The following ANKRD27 variants were observed in gnomAD, a reference collection of about 807,000 sequenced individuals.
ANKRD27 encodes the protein ankyrin repeat domain-containing protein 27.
ANKRD27 carries 112 observed loss-of-function variants against 129.7 expected under a neutral mutation model. That is an observed-to-expected ratio of 0.86 (90% CI 0.74 to 1.01). ANKRD27 has a LOEUF of 1.01. ANKRD27 is among the 50% of genes least tolerant of loss of function. ANKRD27 has a pLI of 0.00. For synonymous variants in ANKRD27, 516 were observed against 511.2 expected (o/e 1.01, Z -0.13); for missense variants, 1,258 against 1,300.5 (o/e 0.97, Z 0.50).
chr19:32,661,217 T>A (rs888906300), intron 1 of ANKRD27, among the ~76,000 whole-genome samples: 2 of 87,464 alleles, frequency 2.3e-5, no homozygotes, highest in East Asian at 3.3e-4. Flanking sequence ...AAAAAAAAAA[T>A]TATACACACA....
At chr19:32,661,218 T>TACACACAC (rs1491210495) in intron 1 of ANKRD27, among the ~76,000 whole-genome samples, 49 of 80,102 alleles carry the variant, frequency 6.1e-4, no homozygotes, top group African/African-American at 1.7e-3. Flanking sequence ...AAAAAAAAAT[T>TACACACAC]ATACACACAC....
Position 32,622,592 on chromosome 19 carries a change from C to T in ANKRD27, c.1657G>A (p.Val553Met), listed in dbSNP as rs780476652. ...CCAATGTCAAGTCTGCACGACTCCACGTCGTAGTAAACCAGAGCCTTCACA... is the reference window on the plus strand; with the variant it reads ...CCAATGTCAAGTCTGCACGACTCCATGTCGTAGTAAACCAGAGCCTTCACA... ...DCVKALVYYD[V>M]ESCRLDIGNE... The change falls in exon 18 of 29, where the codon GTG (valine) becomes ATG (methionine). Residue 553 changes from valine (V) to methionine (M), a missense_variant. Val to Met is a conservative substitution (Grantham distance 21). Transcript: ENST00000306065. 1.7e-5 allele frequency: 27 copies of T among 1,613,746 alleles called. No homozygotes were observed. Among genetic ancestry groups the T allele is most frequent in the Middle Eastern group, 3.4e-4 (2 of 5,966 alleles).
intron 2 of ANKRD27, among the ~76,000 whole-genome samples, chr19:32,653,108 AAGGCG>A (rs1967450501): frequency 6.6e-6 from 1 of 152,118 alleles, no homozygotes; most frequent in Non-Finnish European, 1.5e-5. Context: ...GAATTCCCTG[AAGGCG>A]TGCCAAGTTC....
intron 12 of ANKRD27, among the ~76,000 whole-genome samples, chr19:32,635,833 TA>T (rs1435453788): frequency 3.3e-5 from 5 of 152,182 alleles, no homozygotes; most frequent in Non-Finnish European, 5.9e-5. Context: ...GATCATGATC[TA>T]AAATTTTGGT....
At chr19:32,639,510 TTA>T (rs1568410519) in intron 11 of ANKRD27, 22 bp from the exon 12 acceptor site, 3 of 1,609,682 alleles carry the variant, frequency 1.9e-6, no homozygotes, top group East Asian at 2.2e-5. Flanking sequence ...AAGAAAAAAG[TTA>T]TGTTGTTGTC....
Position 32,646,482 on chromosome 19 carries a change from G to T in ANKRD27, c.347C>A (p.Pro116His). The T allele has an allele frequency of 6.2e-7, 1 of 1,612,418 alleles. No homozygotes were observed. Among genetic ancestry groups the T allele is most frequent in the Non-Finnish European group, 8.5e-7 (1 of 1,179,474 alleles). ...ESFSILCIAH[P>H]LEKRESSEEP... ...ACCTGAACTCTCTCTCTTTTCCAAA[G>T]GATGGGCTATACACAGGATGCTGAA... Residue 116 changes from proline (P) to histidine (H), a missense_variant, in exon 4 of 29, where the codon CCT (proline) becomes CAT (histidine). Physicochemically the swap from Pro to His is moderately conservative, Grantham distance 77 (BLOSUM62 -2). Transcript: ENST00000306065.
At chr19:32,670,266 A>T (rs1967842467) in intron 1 of ANKRD27, among the ~76,000 whole-genome samples, 1 of 152,256 alleles carries the variant, frequency 6.6e-6, no homozygotes, top group Admixed American at 6.5e-5. Context: ...CTTCTTGGTC[A>T]CTAAAGACTG....
At chr19:32,606,558 G>A (rs1048321392) in intron 23 of ANKRD27, among the ~76,000 whole-genome samples, 1 of 152,232 alleles carries the variant, frequency 6.6e-6, no homozygotes, top group Non-Finnish European at 1.5e-5. Context: ...CGGTTGAAGC[G>A]CAGGGTGACA....
At chr19:32,615,366 C>T (rs1305251565) in intron 22 of ANKRD27, among the ~76,000 whole-genome samples, 3 of 152,162 alleles carry the variant, frequency 2.0e-5, no homozygotes, top group African/African-American at 7.2e-5. Flanking sequence ...AGGAGGATAG[C>T]TTGAGCCTGG....
At chr19:32,603,264 G>A (rs1971679452) in intron 25 of ANKRD27, among the ~76,000 whole-genome samples, 1 of 152,158 alleles carries the variant, frequency 6.6e-6, no homozygotes, top group Non-Finnish European at 1.5e-5. Context: ...CGCCACAACA[G>A]AGCAAGACTC....
intron 18 of ANKRD27, among the ~76,000 whole-genome samples, chr19:32,620,780 G>C (rs186515531): frequency 6.6e-6 from 1 of 150,836 alleles, no homozygotes; most frequent in Admixed American, 6.7e-5. Flanking sequence ...CCAGCTACTC[G>C]AGAGCTGAGG....
intron 4 of ANKRD27, among the ~76,000 whole-genome samples, chr19:32,645,105 T>A (rs1369046454): frequency 6.6e-6 from 1 of 152,296 alleles, no homozygotes; most frequent in African/African-American, 2.4e-5. Context: ...CCATGATGTT[T>A]AACCTTTTTT....
chr19:32,598,154 G>A lies in ANKRD27; in HGVS notation c.3144C>T (p.Ser1048=), dbSNP rs767625710. 2 of 1,613,942 alleles carry A rather than the reference G, an allele frequency of 1.2e-6. No homozygotes were observed. Among genetic ancestry groups the A allele is most frequent in the Non-Finnish European group, 1.7e-6 (2 of 1,179,966 alleles). The part of the protein sequence containing the change: ...PLSTPQEVSA[S]RS Reference sequence around the variant, plus strand: ...CAACTCCTCATTCCTGTTAGGACCGGGAAGCACTAACCTCTTGGGGAGTGG... The same window carrying A: ...CAACTCCTCATTCCTGTTAGGACCGAGAAGCACTAACCTCTTGGGGAGTGG... Residue 1048 remains serine, a synonymous_variant, in exon 29 of 29, where the codon TCC becomes TCT. Coordinates refer to ENST00000306065, the MANE Select transcript of ANKRD27 (RefSeq NM_032139.3).
At chr19:32,605,098 C>A (rs954995783) in intron 24 of ANKRD27, among the ~76,000 whole-genome samples, 1 of 151,916 alleles carries the variant, frequency 6.6e-6, no homozygotes, top group African/African-American at 2.4e-5. Context: ...TTGGCGAGGC[C>A]CCGTGGCTTA....
At chr19:32,607,350 C>T (rs779651671) in intron 23 of ANKRD27, among the ~76,000 whole-genome samples, 6 of 151,892 alleles carry the variant, frequency 4.0e-5, no homozygotes, top group Non-Finnish European at 5.9e-5. Flanking sequence ...GGCCACCACA[C>T]GAGCTCAAGA....
chr19:32,609,161 T>A (rs989940311), intron 22 of ANKRD27, among the ~76,000 whole-genome samples: 12 of 150,868 alleles, frequency 8.0e-5, no homozygotes, highest in Admixed American at 7.2e-4. Context: ...GTGGAGCAAC[T>A]GGAATGCTCA....
intron 22 of ANKRD27, among the ~76,000 whole-genome samples, chr19:32,613,285 G>C (rs1169620873): frequency 6.6e-6 from 1 of 152,168 alleles, no homozygotes; most frequent in Admixed American, 6.5e-5. Flanking sequence ...CCCAGTGCTG[G>C]GGAGGACGAG....
At chr19:32,621,802 G>A (rs557741558) in intron 18 of ANKRD27, among the ~76,000 whole-genome samples, 2 of 151,912 alleles carry the variant, frequency 1.3e-5, no homozygotes, top group African/African-American at 2.4e-5. Flanking sequence ...TGCTCCCCCT[G>A]GTCAGTCTGC....
At chr19:32,616,874 C>T (rs2145271123) in intron 21 of ANKRD27, among the ~76,000 whole-genome samples, 1 of 152,254 alleles carries the variant, frequency 6.6e-6, no homozygotes, top group South Asian at 2.1e-4. Context: ...CTGGGCTCTG[C>T]CTTCGCCTCT....
Sources: gnomAD v4.1 joint callset for allele counts (sites outside exome capture counted in the v4.1 genomes callset) on GRCh38, gnomAD v4.1.1 for gene constraint, MANE v1.5 for transcripts, NCBI Gene and HGNC (gene_info 2026-07-23, HGNC 2026-07-21) for gene names.